Variants in PAX7 observed in about 807,000 individuals in gnomAD.
PAX7 encodes paired box protein Pax-7.
Under a neutral mutation model 50.7 loss-of-function variants are expected in PAX7, and 18 were observed. The ratio of observed to expected loss-of-function variants is 0.36; its 90% confidence interval spans 0.25 to 0.53. The LOEUF is 0.53. PAX7 is among the 20% of genes least tolerant of loss of function. The pLI, the probability that PAX7 is intolerant of heterozygous loss-of-function variation, is 0.93. For synonymous variants in PAX7, 310 were observed against 290.4 expected (o/e 1.07, Z -0.69); for missense variants, 644 against 702.9 (o/e 0.92, Z 0.95).
chr1:18,694,975 G>C (rs954327342), intron 5 of PAX7, among the ~76,000 whole-genome samples: 3 of 152,096 alleles, frequency 2.0e-5, no homozygotes, highest in African/African-American at 7.2e-5. Flanking sequence ...TTTAGGTCTT[G>C]GTCTTTGATT....
Position 18,748,524 on chromosome 1 carries a change from C to T in PAX7, c.*3595C>T. ...CTGTGTATTTGATGCTTCTTCAAGT[C>T]AGCTCTGACGTGGCCAATTCCCTGA... On this transcript the variant is annotated 3_prime_UTR_variant, in exon 9 of 9. Transcript: ENST00000420770. 1 of 231,442 alleles carries T rather than the reference C, an allele frequency of 4.3e-6. No individual in the cohort carries two copies. Among genetic ancestry groups the T allele is most frequent in the East Asian group, 6.1e-5 (1 of 16,378 alleles). 14.3% of individuals were successfully genotyped at this position (231,442 alleles called of 1,614,324 possible). A position where few individuals can be genotyped will look rare whatever the true frequency, so the allele number is the denominator to read the frequency against.
intron 4 of PAX7, among the ~76,000 whole-genome samples, chr1:18,645,151 C>CGT (rs900141056): frequency 6.6e-6 from 1 of 152,146 alleles, no homozygotes; most frequent in Non-Finnish European, 1.5e-5. Context: ...CGCGCGCGCG[C>CGT]GTGCGTGCGC....
intron 7 of PAX7, among the ~76,000 whole-genome samples, chr1:18,712,865 T>G (rs1259050684): frequency 1.3e-5 from 2 of 151,994 alleles, no homozygotes; most frequent in Non-Finnish European, 2.9e-5. Flanking sequence ...GCGGATCGCT[T>G]GAGGTCAGGA....
chr1:18,678,732 C>A (rs2088857207), intron 4 of PAX7, among the ~76,000 whole-genome samples: 1 of 152,178 alleles, frequency 6.6e-6, no homozygotes. Flanking sequence ...GATTATGTGG[C>A]CTTCATGTCT....
At chr1:18,680,373 G>A (rs1255469060) in intron 4 of PAX7, among the ~76,000 whole-genome samples, 1 of 152,172 alleles carries the variant, frequency 6.6e-6, no homozygotes, top group Non-Finnish European at 1.5e-5. Flanking sequence ...CTGTTCTGAA[G>A]GAGAGGAGAG....
chr1:18,659,336 G>C (rs899006653), intron 4 of PAX7, among the ~76,000 whole-genome samples: 2 of 152,200 alleles, frequency 1.3e-5, no homozygotes, highest in African/African-American at 4.8e-5. Context: ...GAGCAGGAAA[G>C]GGGAGGGGGC....
At chr1:18,682,113 T>A (rs1283536476) in intron 4 of PAX7, among the ~76,000 whole-genome samples, 1 of 152,162 alleles carries the variant, frequency 6.6e-6, no homozygotes. Context: ...TCAAGTTTTG[T>A]GAACAAGGTG....
At chr1:18,714,026 C>A (rs1020950934) in intron 7 of PAX7, among the ~76,000 whole-genome samples, 9 of 152,072 alleles carry the variant, frequency 5.9e-5, no homozygotes, top group African/African-American at 2.2e-4. Flanking sequence ...ACCTGGCCAG[C>A]ATGGTGAAAC....
intron 7 of PAX7, among the ~76,000 whole-genome samples, chr1:18,717,288 C>A (rs1395777328): frequency 2.6e-5 from 4 of 152,182 alleles, no homozygotes; most frequent in Non-Finnish European, 5.9e-5. Context: ...GGTCGCGGGG[C>A]CTCGGCCGTC....
At chr1:18,727,569 G>A (rs2100387346) in intron 7 of PAX7, among the ~76,000 whole-genome samples, 1 of 152,284 alleles carries the variant, frequency 6.6e-6, no homozygotes, top group Non-Finnish European at 1.5e-5. Flanking sequence ...TTCTGGGTGA[G>A]CCGCTAAGCC....
chr1:18,727,974 G>T (rs974635517), intron 7 of PAX7, among the ~76,000 whole-genome samples: 1 of 152,148 alleles, frequency 6.6e-6, no homozygotes. Flanking sequence ...GGGGAAAGGA[G>T]GGGGAGGGTC....
At chr1:18,724,951 C>A (rs1015439358) in intron 7 of PAX7, among the ~76,000 whole-genome samples, 1 of 152,200 alleles carries the variant, frequency 6.6e-6, no homozygotes, top group African/African-American at 2.4e-5. Flanking sequence ...AAATGCATGT[C>A]TTCGACCTGC....
intron 4 of PAX7, among the ~76,000 whole-genome samples, chr1:18,678,913 C>G (rs2088860248): frequency 1.3e-5 from 2 of 152,300 alleles, no homozygotes; most frequent in South Asian, 4.2e-4. Context: ...GTTAAGAGGG[C>G]TCTGGGACTG....
chr1:18,702,974 C>A, intron 6 of PAX7, 120 bp from the exon 7 acceptor site: 2 of 901,608 alleles, frequency 2.2e-6, no homozygotes, highest in African/African-American at 1.7e-5. Flanking sequence ...AGAGGGTGGT[C>A]CCTTCCCTCC....
intron 4 of PAX7, among the ~76,000 whole-genome samples, chr1:18,648,079 G>C (rs1485421936): frequency 6.6e-6 from 1 of 152,168 alleles, no homozygotes; most frequent in Non-Finnish European, 1.5e-5. Flanking sequence ...GGGCAGCCTT[G>C]ACTGACAGGG....
At chr1:18,709,287 C>T (rs956805330) in intron 7 of PAX7, among the ~76,000 whole-genome samples, 25 of 152,152 alleles carry the variant, frequency 1.6e-4, no homozygotes, top group Non-Finnish European at 3.1e-4. Flanking sequence ...TCCCCAGCAC[C>T]GCTCCTGGTG....
At position 18,736,007 on chromosome 1, in the gene PAX7, T is replaced by G. The variant is rs562064181; in HGVS notation, c.1402+129T>G. The G allele has an allele frequency of 3.7e-6, 6 of 1,601,970 alleles. No homozygotes were observed. In the Admixed American group the frequency reaches 8.5e-5, roughly 23 times the overall value. On this transcript the variant is annotated intron_variant, in intron 8 of 8. Coordinates refer to ENST00000420770, the MANE Select transcript of PAX7 (RefSeq NM_001135254.2). The stretch of plus-strand genomic sequence containing the variant: ...AATGTCCATTTCACAGATGGAAAAA[T>G]TGAAGTCCAGCCAGATGGAACAGTT...
In PAX7 at chr1:18,703,138, A is replaced by C. The variant is rs1458789113; in HGVS notation, c.997A>C (p.Thr333Pro). 5 of 1,613,988 alleles carry C rather than the reference A, an allele frequency of 3.1e-6. No individual in the cohort carries two copies. In the South Asian group the frequency reaches 5.5e-5, roughly 18 times the overall value. ...VHRPQPLPPS[T>P]MHQGGLAAAA... ...CCGGCCTCAGCCCCTGCCACCGTCCACCATGCACCAGGGCGGGCTGGCTGC... is the reference window on the plus strand; with the variant it reads ...CCGGCCTCAGCCCCTGCCACCGTCCCCCATGCACCAGGGCGGGCTGGCTGC... Residue 333 changes from threonine (T) to proline (P), a missense_variant, in exon 7 of 9, where the codon ACC (threonine) becomes CCC (proline). Coordinates refer to ENST00000420770, the MANE Select transcript of PAX7 (RefSeq NM_001135254.2).
intron 5 of PAX7, among the ~76,000 whole-genome samples, chr1:18,698,167 G>A (rs957759144): frequency 4.0e-5 from 6 of 151,642 alleles, no homozygotes; most frequent in African/African-American, 9.7e-5. Flanking sequence ...CAAGATGTTC[G>A]CCACCTTCAC....
Sources: allele counts gnomAD v4.1 joint callset (sites outside exome capture counted in the v4.1 genomes callset), GRCh38; gene constraint gnomAD v4.1.1; transcripts MANE v1.5; gene names NCBI Gene and HGNC (gene_info 2026-07-23, HGNC 2026-07-21).